Variants in SLC28A1 observed in about 807,000 individuals in gnomAD.
SLC28A1 encodes the protein sodium/nucleoside cotransporter 1.
SLC28A1 carries 64 observed loss-of-function variants against 74.8 expected under a neutral mutation model. The ratio of observed to expected loss-of-function variants is 0.86; its 90% CI spans 0.70 to 1.05. The LOEUF is 1.05. Ranked by LOEUF, SLC28A1 falls within the 50% of genes least tolerant of loss-of-function variation. The pLI is 0.00. For synonymous variants in SLC28A1, 359 were observed against 335.0 expected (o/e 1.07, Z -0.78); for missense variants, 828 against 822.8 (o/e 1.01, Z -0.08).
At chr15:84,916,240 CT>C (rs34180316) in intron 9 of SLC28A1, among the ~76,000 whole-genome samples, 12,339 of 98,352 alleles carry the variant, frequency 0.13, 1,078 homozygotes, top group South Asian at 0.15. Context: ...GCTGGGATTA[CT>C]TTTTTTTTTT....
intron 9 of SLC28A1, among the ~76,000 whole-genome samples, chr15:84,912,418 G>T (rs897065676): frequency 2.0e-5 from 3 of 152,104 alleles, no homozygotes; most frequent in Admixed American, 6.6e-5. Context: ...GCTCTCTTCT[G>T]GGGGGAAGTA....
At chr15:84,899,907 A>AAGAAAGAGAAAGAGGGAAAGAGGG (rs200028334) in intron 6 of SLC28A1, among the ~76,000 whole-genome samples, 2 of 137,818 alleles carry the variant, frequency 1.5e-5, no homozygotes, top group Admixed American at 1.6e-4. Flanking sequence ...GAAAGAAAGA[A>AAGAAAGAGAAAGAGGGAAAGAGGG]AGAGAAAGAG....
chr15:84,955,769 C>G, the SLC28A1 span, among the ~76,000 whole-genome samples: 1 of 152,174 alleles, frequency 6.6e-6, no homozygotes, highest in Non-Finnish European at 1.5e-5. Flanking sequence ...GCAGGCTCTA[C>G]CATCCCACTG....
chr15:84,936,503 C>T (rs563305864), intron 15 of SLC28A1, among the ~76,000 whole-genome samples: 51 of 152,206 alleles, frequency 3.4e-4, no homozygotes, highest in Admixed American at 2.7e-3. Context: ...ATAATCCACC[C>T]GCCTTGGCCT....
At chr15:84,927,803 C>G (rs951337517) in intron 12 of SLC28A1, among the ~76,000 whole-genome samples, 12 of 152,102 alleles carry the variant, frequency 7.9e-5, no homozygotes, top group Non-Finnish European at 1.0e-4. Flanking sequence ...CTTCTGAGCC[C>G]TTTATTCTAG....
chr15:84,922,925 G>A (rs1198031953), intron 11 of SLC28A1, among the ~76,000 whole-genome samples: 2 of 152,144 alleles, frequency 1.3e-5, no homozygotes, highest in Non-Finnish European at 2.9e-5. Context: ...GGGCTTTGCC[G>A]ATTTCTCAGT....
chr15:84,922,301 G>A (rs866485365), intron 11 of SLC28A1, among the ~76,000 whole-genome samples: 11 of 152,240 alleles, frequency 7.2e-5, no homozygotes, highest in East Asian at 5.8e-4. Context: ...AAGGGGTGTC[G>A]CACATTAAGA....
At chr15:84,894,307 G>A (rs1965696765) in intron 5 of SLC28A1, among the ~76,000 whole-genome samples, 1 of 149,120 alleles carries the variant, frequency 6.7e-6, no homozygotes, top group African/African-American at 2.5e-5. Flanking sequence ...AGGAGGCAGA[G>A]TTTGCAGTCA....
chr15:84,894,838 T>C (rs1221856628), intron 5 of SLC28A1, 102 bp from the exon 6 acceptor site: 49 of 1,193,808 alleles, frequency 4.1e-5, no homozygotes, highest in South Asian at 2.8e-4. Context: ...TTTCCTGCCC[T>C]CCACGCTCTG....
At chr15:84,963,705 G>A in the SLC28A1 span, among the ~76,000 whole-genome samples, 1 of 152,214 alleles carries the variant, frequency 6.6e-6, no homozygotes, top group South Asian at 2.1e-4. Flanking sequence ...GACCTGGACA[G>A]CAGCTGAGCC....
At chr15:84,885,285 T>C (rs1043608506) in intron 1 of SLC28A1, among the ~76,000 whole-genome samples, 2 of 151,542 alleles carry the variant, frequency 1.3e-5, no homozygotes, top group African/African-American at 4.8e-5. Context: ...AGGTAGAGTC[T>C]TGCTCTGTGG....
intron 16 of SLC28A1, 121 bp from the exon 17 acceptor site, chr15:84,944,445 G>C (rs1026240828): frequency 8.1e-6 from 6 of 742,668 alleles, no homozygotes; most frequent in Non-Finnish European, 1.5e-5. Flanking sequence ...GACAACATCT[G>C]TCCCTCTGGC....
intron 5 of SLC28A1, among the ~76,000 whole-genome samples, chr15:84,890,866 C>T (rs1324583382): frequency 1.3e-5 from 2 of 152,110 alleles, no homozygotes; most frequent in African/African-American, 2.4e-5. Flanking sequence ...AGGAGTTAGC[C>T]AGGTGGAGGT....
At chr15:84,954,844 C>G in the SLC28A1 span, among the ~76,000 whole-genome samples, 417 of 152,286 alleles carry the variant, frequency 2.7e-3, 3 homozygotes, top group African/African-American at 9.3e-3. Context: ...TCCCATGAAG[C>G]AGTCAGATCT....
chr15:84,908,178 C>CTT (rs71135328), intron 8 of SLC28A1, among the ~76,000 whole-genome samples: 4,926 of 91,056 alleles, frequency 0.054, 666 homozygotes, highest in African/African-American at 0.12. Context: ...CAGAGCATTT[C>CTT]TTTTTTTTTT....
Position 84,894,981 on chromosome 15 carries a change from C to A in SLC28A1, c.319C>A (p.Gln107Lys). Residue 107 changes from glutamine (Q) to lysine (K), a missense_variant, in exon 6 of 19, where the codon CAG becomes AAG. Gln to Lys is a moderately conservative substitution (Grantham distance 53). Around this residue, in one of 3 missense-constraint regions of SLC28A1, gnomAD observed 767 missense variants for 753.5 expected, o/e 1.02. Transcript: ENST00000394573. ...FLLVACLLDF[Q>K]RALALFVLTC... ...GCTGGTGGCCTGCCTCCTGGATTTCCAGAGGGCCCTGGCTCTGTTTGTCCT... is the reference window on the plus strand; with the variant it reads ...GCTGGTGGCCTGCCTCCTGGATTTCAAGAGGGCCCTGGCTCTGTTTGTCCT... 5.6e-6 allele frequency: 9 copies of A among 1,614,178 alleles called. No individual in the cohort carries two copies. The highest frequency in any genetic ancestry group is 7.6e-6 in the Non-Finnish European group (9 of 1,180,032).
chr15:84,927,369 C>A (rs958092773), intron 12 of SLC28A1, among the ~76,000 whole-genome samples: 1 of 152,192 alleles, frequency 6.6e-6, no homozygotes, highest in African/African-American at 2.4e-5. Flanking sequence ...TCCATTTTTA[C>A]GCTCAGGTTC....
At chr15:84,963,354 T>G in the SLC28A1 span, among the ~76,000 whole-genome samples, 43 of 152,104 alleles carry the variant, frequency 2.8e-4, no homozygotes, top group African/African-American at 1.0e-3. Flanking sequence ...TCCACTTGTG[T>G]TTCCCTGGAC....
At chr15:84,934,703 C>G (rs1029091013) in intron 13 of SLC28A1, among the ~76,000 whole-genome samples, 3 of 152,144 alleles carry the variant, frequency 2.0e-5, no homozygotes, top group Admixed American at 2.0e-4. Context: ...CAACATGTAA[C>G]CAGTATAATA....
Sources: allele counts gnomAD v4.1 joint callset (sites outside exome capture counted in the v4.1 genomes callset), GRCh38; gene constraint gnomAD v4.1.1; regional missense constraint gnomAD v4.1.1; transcripts MANE v1.5; gene names NCBI Gene and HGNC (gene_info 2026-07-23, HGNC 2026-07-21).